Variants in PCGF5 observed in about 807,000 individuals in gnomAD.
PCGF5 encodes polycomb group ring finger 5.
PCGF5 carries 9 observed loss-of-function variants against 44.3 expected under a neutral mutation model. The observed-to-expected ratio is 0.20, with a 90% confidence interval of 0.12 to 0.35. The LOEUF is 0.35. Among genes scored for constraint, PCGF5 ranks in the 10% least tolerant of loss-of-function variants. The pLI is 1.00. For missense variants in PCGF5, 146 were observed against 305.3 expected (o/e 0.48, Z 3.89); for synonymous variants, 95 against 102.5 (o/e 0.93, Z 0.44).
chr10:91,197,032 G>A (rs554591844), intron 1 of PCGF5, among the ~76,000 whole-genome samples: 1 of 152,300 alleles, frequency 6.6e-6, no homozygotes, highest in Non-Finnish European at 1.5e-5. Flanking sequence ...AAAACATGAT[G>A]TGGTTTTTAT....
At chr10:91,166,394 A>G (rs1589344593) in intron 1 of PCGF5, among the ~76,000 whole-genome samples, 2 of 152,212 alleles carry the variant, frequency 1.3e-5, no homozygotes, top group Admixed American at 1.3e-4. Context: ...TTGAAAATAT[A>G]TTTAGGAAGT....
At chr10:91,177,888 C>T (rs974600574) in intron 1 of PCGF5, among the ~76,000 whole-genome samples, 3 of 152,202 alleles carry the variant, frequency 2.0e-5, no homozygotes, top group South Asian at 4.1e-4. Flanking sequence ...CTTCAGCTCA[C>T]ACTTGGTGCA....
chr10:91,231,983 T>C (rs1304814895), intron 2 of PCGF5, among the ~76,000 whole-genome samples: 1 of 152,210 alleles, frequency 6.6e-6, no homozygotes, highest in African/African-American at 2.4e-5. Flanking sequence ...GTTGGACTTA[T>C]GACTCCTGGA....
At chr10:91,268,841 A>T (rs1846107807) in intron 8 of PCGF5, among the ~76,000 whole-genome samples, 1 of 152,112 alleles carries the variant, frequency 6.6e-6, no homozygotes. Context: ...CCTTGTCTCC[A>T]TTGTGATGCA....
intron 1 of PCGF5, among the ~76,000 whole-genome samples, chr10:91,172,170 A>G (rs757024844): frequency 6.6e-6 from 1 of 151,946 alleles, no homozygotes; most frequent in Non-Finnish European, 1.5e-5. Flanking sequence ...CATGCCTGTA[A>G]TCCCAGCACT....
chr10:91,244,746 T>C (rs1845414869), intron 3 of PCGF5, among the ~76,000 whole-genome samples: 1 of 152,060 alleles, frequency 6.6e-6, no homozygotes, highest in South Asian at 2.1e-4. Flanking sequence ...TGCTGGTGGA[T>C]TGGATATAGG....
In PCGF5 at chr10:91,271,121, A is replaced by AAT. The variant is rs201038324; in HGVS notation, c.664-507_664-506dup. 1.1e-4 allele frequency among the ~76,000 whole-genome samples: 16 copies of AAT among 150,836 alleles called. No homozygotes were observed. In the South Asian group the frequency reaches 1.5e-3, roughly 14 times the overall value. ...CTAATGCTATATATATATATAATCT[A>AAT]ATATATATATAATCAGCAATATAAA... On this transcript the variant is annotated intron_variant, in intron 8 of 9. Coordinates refer to ENST00000336126, the MANE Select transcript of PCGF5 (RefSeq NM_032373.5).
chr10:91,261,288 G>A (rs1477457400), intron 6 of PCGF5, 38 bp from the exon 7 acceptor site: 3 of 1,434,724 alleles, frequency 2.1e-6, no homozygotes, highest in African/African-American at 1.4e-5. Context: ...CATTTTAACT[G>A]GTAGAACATT....
chr10:91,225,263 G>A (rs940993716), intron 2 of PCGF5, among the ~76,000 whole-genome samples: 8 of 145,352 alleles, frequency 5.5e-5, no homozygotes, highest in African/African-American at 7.5e-5. Context: ...TCGTATATAT[G>A]TATATACGAT....
rs1047567571 is a variant in PCGF5 at position 91,281,533 on chromosome 10, A to G, written c.*3217A>G. The G allele has an allele frequency of 2.0e-5, 3 of 152,608 alleles. No homozygotes were observed. Among genetic ancestry groups the G allele is most frequent in the Admixed American group, 6.5e-5 (1 of 15,284 alleles). 9.5% of individuals were successfully genotyped at this position (152,608 alleles called of 1,614,324 possible). On this transcript the variant is annotated 3_prime_UTR_variant, in exon 10 of 10. Coordinates refer to ENST00000336126, the MANE Select transcript of PCGF5 (RefSeq NM_032373.5). The stretch of plus-strand genomic sequence containing the variant: ...GTACCTGTCTCTTATGAATGGTTTC[A>G]TATCTAAATAGGCTCTTGTAAGTTA...
At chr10:91,167,428 A>G (rs1226912707) in intron 1 of PCGF5, among the ~76,000 whole-genome samples, 3 of 152,244 alleles carry the variant, frequency 2.0e-5, no homozygotes, top group African/African-American at 7.2e-5. Flanking sequence ...GGAAAAGACT[A>G]TTTCTAGCCA....
chr10:91,256,796 T>C (rs1845763426), intron 6 of PCGF5, among the ~76,000 whole-genome samples: 1 of 152,016 alleles, frequency 6.6e-6, no homozygotes, highest in Non-Finnish European at 1.5e-5. Flanking sequence ...TGCAGAGTGC[T>C]CAAAGAAAGA....
upstream of PCGF5, among the ~76,000 whole-genome samples, chr10:91,161,434 CAGTGTGTGATCAGA>C (rs1429708473): frequency 6.6e-6 from 1 of 152,156 alleles, no homozygotes; most frequent in African/African-American, 2.4e-5. Context: ...GGGTCTACTT[CAGTGTGTGATCAGA>C]CAGCGACAAA....
intron 2 of PCGF5, among the ~76,000 whole-genome samples, chr10:91,223,966 A>G (rs1844749188): frequency 6.6e-6 from 1 of 151,868 alleles, no homozygotes; most frequent in African/African-American, 2.4e-5. Context: ...TATTTTTGTT[A>G]GTAAGCCTCG....
intron 2 of PCGF5, 71 bp from the exon 3 acceptor site, chr10:91,240,413 A>C (rs562756748): frequency 2.0e-6 from 2 of 994,322 alleles, no homozygotes; most frequent in African/African-American, 3.3e-5. Context: ...TCTGTTTCTA[A>C]TTACACTTAG....
chr10:91,189,973 T>C (rs1210476813), intron 1 of PCGF5, among the ~76,000 whole-genome samples: 1 of 152,168 alleles, frequency 6.6e-6, no homozygotes, highest in East Asian at 1.9e-4. Flanking sequence ...GAAATTAAAG[T>C]GTATCTTTTT....
At chr10:91,268,926 C>T (rs767039553) in intron 8 of PCGF5, among the ~76,000 whole-genome samples, 1 of 151,932 alleles carries the variant, frequency 6.6e-6, no homozygotes, top group Non-Finnish European at 1.5e-5. Context: ...TTTTTCAGTT[C>T]GTATCAGTAT....
chr10:91,172,721 C>T (rs983551062), intron 1 of PCGF5, among the ~76,000 whole-genome samples: 3 of 152,142 alleles, frequency 2.0e-5, no homozygotes, highest in African/African-American at 7.2e-5. Context: ...CCTTTGTGGC[C>T]GCAGACACAT....
At chr10:91,202,466 C>T (rs188723540) in intron 1 of PCGF5, among the ~76,000 whole-genome samples, 4 of 152,276 alleles carry the variant, frequency 2.6e-5, no homozygotes, top group Non-Finnish European at 5.9e-5. Context: ...AAGTAGTTAA[C>T]AGGATTGTTG....
Sources: allele counts gnomAD v4.1 joint callset (sites outside exome capture counted in the v4.1 genomes callset), GRCh38; gene constraint gnomAD v4.1.1; transcripts MANE v1.5; gene names NCBI Gene and HGNC (gene_info 2026-07-23, HGNC 2026-07-21).